AK8: variants seen among roughly 807,000 people sequenced by gnomAD.
The protein encoded by AK8 is ATP-AMP transphosphorylase 8.
AK8 carries 44 observed loss-of-function variants against 54.6 expected under a neutral mutation model. The ratio of observed to expected loss-of-function variants is 0.81; its 90% CI spans 0.63 to 1.04. The LOEUF is 1.04. Ranked by LOEUF, AK8 falls within the 50% of genes least tolerant of loss-of-function variation. The pLI is 0.00. For synonymous variants in AK8, 239 were observed against 245.6 expected (o/e 0.97, Z 0.25); for missense variants, 555 against 613.6 (o/e 0.90, Z 1.01).
At chr9:132,744,114 G>A (rs952665811) in intron 11 of AK8, among the ~76,000 whole-genome samples, 4 of 152,052 alleles carry the variant, frequency 2.6e-5, no homozygotes, top group Non-Finnish European at 4.4e-5. Context: ...TGTGTCCCCC[G>A]TTACGTAGGG....
chr9:132,832,667 CATT>C (rs1257916225), intron 5 of AK8, among the ~76,000 whole-genome samples: 2 of 152,178 alleles, frequency 1.3e-5, no homozygotes, highest in Non-Finnish European at 2.9e-5. Flanking sequence ...ACTGAGCAAT[CATT>C]ATAATCTCAC....
chr9:132,742,278 G>A (rs532691032), intron 11 of AK8, among the ~76,000 whole-genome samples: 11 of 151,406 alleles, frequency 7.3e-5, no homozygotes, highest in East Asian at 5.8e-4. Context: ...GGGCTCAAGC[G>A]ATCCTCCCAC....
chr9:132,833,270 G>T (rs1196500791), intron 5 of AK8, among the ~76,000 whole-genome samples: 2 of 152,210 alleles, frequency 1.3e-5, no homozygotes, highest in African/African-American at 4.8e-5. Flanking sequence ...ACGTTCACAG[G>T]GAAGCAGCAA....
intron 11 of AK8, among the ~76,000 whole-genome samples, chr9:132,765,563 T>C (rs1169170696): frequency 6.6e-6 from 1 of 152,106 alleles, no homozygotes; most frequent in African/African-American, 2.4e-5. Context: ...GAGGATCACT[T>C]GAGCCCTGGA....
At chr9:132,756,808 A>G (rs1023703632) in intron 11 of AK8, among the ~76,000 whole-genome samples, 2 of 151,750 alleles carry the variant, frequency 1.3e-5, no homozygotes, top group African/African-American at 4.8e-5. Context: ...CGAATTCCGC[A>G]CCCCCATAAA....
At chr9:132,733,981 G>T (rs1836982992) in intron 11 of AK8, among the ~76,000 whole-genome samples, 1 of 152,012 alleles carries the variant, frequency 6.6e-6, no homozygotes, top group African/African-American at 2.4e-5. Context: ...CTCCAGGTGG[G>T]CACCCTGGAT....
rs753969908 is a variant in AK8 at position 132,770,038 on chromosome 9, G to A, written c.1121+22596C>T. 2.6e-5 allele frequency: 4 copies of A among 152,282 alleles called. No homozygotes were observed. Among genetic ancestry groups the A allele is most frequent in the Non-Finnish European group, 5.9e-5 (4 of 68,100 alleles). The allele number at this position is 152,282 out of a possible 1,614,324, so 9.4% of individuals were successfully genotyped here. On this transcript the variant is annotated intron_variant, in intron 11 of 12. Transcript: ENST00000298545. This position sits in a 1 kb window ranked among gnomAD's most constrained non-coding sequence, Gnocchi z 4.3. ...CTGCTCCCAGGGCTCCAGGCGAAGA[G>A]GGGCATCTGGTTAAAGCGAATTCGG...
At chr9:132,830,515 G>T (rs1842063113) in intron 5 of AK8, among the ~76,000 whole-genome samples, 1 of 151,998 alleles carries the variant, frequency 6.6e-6, no homozygotes, top group South Asian at 2.1e-4. Flanking sequence ...CATTAATGAG[G>T]TTCAGTATTT....
At chr9:132,818,939 G>A (rs539903625) in intron 9 of AK8, among the ~76,000 whole-genome samples, 126 of 151,896 alleles carry the variant, frequency 8.3e-4, no homozygotes, top group Non-Finnish European at 8.4e-4. Context: ...AAAAAGAATA[G>A]AAGGTATATC....
Position 132,837,538 on chromosome 9 carries a change from G to A in AK8, c.403-8812C>T, listed in dbSNP as rs1842375955. Among the ~76,000 whole-genome samples the A allele has an allele frequency of 6.6e-6, 1 of 152,038 alleles. No homozygotes were observed. Among genetic ancestry groups the A allele is most frequent in the Admixed American group, 6.6e-5 (1 of 15,258 alleles). On this transcript the variant is annotated intron_variant, in intron 5 of 12. Coordinates refer to ENST00000298545, the MANE Select transcript of AK8 (RefSeq NM_152572.3). This position sits in a 1 kb window ranked among gnomAD's most constrained non-coding sequence, Gnocchi z 4.3. ...AATACTCTCTCCTGCTCCAAGGTCT[G>A]CTTGCGTCTGCTCAAACCTCAGGCC...
rs1838904996 is a variant in AK8, at chr9:132,770,262, C to T, written c.1121+22372G>A. On this transcript the variant is annotated intron_variant, in intron 11 of 12. Transcript: ENST00000298545. This position sits in a 1 kb window ranked among gnomAD's most constrained non-coding sequence, Gnocchi z 4.3. Reference sequence around the variant, plus strand: ...GTGAAAGCGGAAACAAACAGCAGCCCCGCCAGCCCGGGCCCGGAGGCCCAG... The same window carrying T: ...GTGAAAGCGGAAACAAACAGCAGCCTCGCCAGCCCGGGCCCGGAGGCCCAG... 6.6e-6 allele frequency: 1 copy of T among 152,428 alleles called. No individual in the cohort carries two copies. The highest frequency in any genetic ancestry group is 6.5e-5 in the Admixed American group (1 of 15,288). 9.4% of individuals were successfully genotyped at this position (152,428 alleles called of 1,614,324 possible).
intron 11 of AK8, among the ~76,000 whole-genome samples, chr9:132,752,825 C>A (rs996521159): frequency 6.6e-6 from 1 of 151,966 alleles, no homozygotes; most frequent in African/African-American, 2.4e-5. Context: ...AGGCACCTTC[C>A]CCCACCAGCG....
chr9:132,790,501 C>T lies in AK8; in HGVS notation c.1121+2133G>A, dbSNP rs753319296. 6.6e-6 allele frequency among the ~76,000 whole-genome samples: 1 copy of T among 152,178 alleles called. No homozygotes were observed. Among genetic ancestry groups the T allele is most frequent in the African/African-American group, 2.4e-5 (1 of 41,440 alleles). On this transcript the variant is annotated intron_variant, in intron 11 of 12. Transcript: ENST00000298545. This position sits in a 1 kb window ranked among gnomAD's most constrained non-coding sequence, Gnocchi z 4.1. ...TCCTGACCTCATGATCCACCCACCT[C>T]GGCCTCCCAAAGTGCTGGGATTACA... is the stretch of plus-strand genomic sequence containing the variant.
chr9:132,785,393 C>T (rs1291883453), intron 11 of AK8, among the ~76,000 whole-genome samples: 2 of 152,230 alleles, frequency 1.3e-5, no homozygotes, highest in African/African-American at 4.8e-5. Flanking sequence ...TGAGCCACCA[C>T]GCCCAACCGA....
At chr9:132,777,819 G>C (rs1157781032) in intron 11 of AK8, among the ~76,000 whole-genome samples, 1 of 152,218 alleles carries the variant, frequency 6.6e-6, no homozygotes, top group Admixed American at 6.5e-5. Context: ...AATGTTTAAA[G>C]AAAGAGAAGA....
At chr9:132,877,424 A>T (rs577218072) in intron 1 of AK8, among the ~76,000 whole-genome samples, 47 of 152,278 alleles carry the variant, frequency 3.1e-4, no homozygotes, top group African/African-American at 1.1e-3. Context: ...TGGGAAGCAG[A>T]CAAATGATCT....
intron 10 of AK8, among the ~76,000 whole-genome samples, chr9:132,812,792 T>C (rs572425649): frequency 3.3e-5 from 5 of 152,316 alleles, no homozygotes; most frequent in South Asian, 2.1e-4. Flanking sequence ...GAGCTCGTGC[T>C]GGTTTTCACC....
At chr9:132,827,332 C>T (rs765851631) in intron 7 of AK8, 58 of 502,972 alleles carry the variant, frequency 1.2e-4, no homozygotes, top group South Asian at 2.8e-4. Context: ...CTGATAGGCA[C>T]CTGCAGACTC....
At chr9:132,840,404 A>ACT (rs1307386647) in intron 5 of AK8, among the ~76,000 whole-genome samples, 4 of 89,442 alleles carry the variant, frequency 4.5e-5, no homozygotes, top group African/African-American at 8.3e-5. Flanking sequence ...CCAAGTGGAC[A>ACT]CTCACACACA....
Sources: allele counts gnomAD v4.1 joint callset (sites outside exome capture counted in the v4.1 genomes callset), GRCh38; gene constraint gnomAD v4.1.1; non-coding constraint Gnocchi (gnomAD v3.1); transcripts MANE v1.5; gene names NCBI Gene and HGNC (gene_info 2026-07-23, HGNC 2026-07-21).